DNAH14: variants seen among roughly 807,000 people sequenced by gnomAD.
DNAH14 encodes dynein axonemal heavy chain 14.
DNAH14 carries 478 observed loss-of-function variants against 520.9 expected under a neutral mutation model. The observed-to-expected ratio is 0.92, with a 90% confidence interval of 0.85 to 0.99. The LOEUF is 0.99. DNAH14 is among the 50% of genes least tolerant of loss of function. The probability of loss-of-function intolerance (pLI) is 0.00; values close to 1 mark genes in which losing one functional copy is unlikely to be tolerated. For synonymous variants in DNAH14, 1,581 were observed against 1,757.2 expected (o/e 0.90, Z 2.51); for missense variants, 4,831 against 5,234.5 (o/e 0.92, Z 2.38).
At chr1:225,113,506 G>A (rs940645839) in intron 23 of DNAH14, among the ~76,000 whole-genome samples, 1 of 152,186 alleles carries the variant, frequency 6.6e-6, no homozygotes, top group African/African-American at 2.4e-5. Context: ...TTTGTTCAAG[G>A]CCCTAGGGCT....
At chr1:225,173,724 T>C (rs553167800) in intron 36 of DNAH14, among the ~76,000 whole-genome samples, 1 of 152,326 alleles carries the variant, frequency 6.6e-6, no homozygotes, top group South Asian at 2.1e-4. Flanking sequence ...GATCTTGAAC[T>C]AGAAATACCA....
intron 7 of DNAH14, 82 bp downstream of exon 7, chr1:224,968,956 C>A: frequency 1.1e-6 from 1 of 892,988 alleles, no homozygotes; most frequent in Non-Finnish European, 1.7e-6. Flanking sequence ...CTGGGTTCTA[C>A]TACAGTAATA....
intron 40 of DNAH14, 91 bp downstream of exon 40, chr1:225,206,270 AT>A: frequency 1.7e-6 from 2 of 1,185,194 alleles, no homozygotes; most frequent in South Asian, 1.7e-5. Context: ...TGTTTATTTT[AT>A]TTTTACCTTT....
At position 225,178,512 on chromosome 1, in the gene DNAH14, A is replaced by G. The variant is rs139578728; in HGVS notation, c.5536-6779A>G. 5.1e-3 allele frequency among the ~76,000 whole-genome samples: 781 copies of G among 152,222 alleles called. 7 individuals are homozygous for G. The highest frequency in any genetic ancestry group is 0.015 in the African/African-American group (603 of 41,538). On this transcript the variant is annotated intron_variant, in intron 36 of 85. Transcript: ENST00000682510. ...CCGTAACACATGGGACTTCTGGGAG[A>G]TACAATTCAAGTTGAGATTTGGGTG...
At chr1:225,353,772 A>T (rs1258214738) in intron 72 of DNAH14, 31 bp from the exon 73 acceptor site, 2 of 1,125,966 alleles carry the variant, frequency 1.8e-6, no homozygotes, top group Non-Finnish European at 2.6e-6. Flanking sequence ...TTGACTGTTA[A>T]TGCCAGTTTC....
intron 75 of DNAH14, among the ~76,000 whole-genome samples, chr1:225,361,798 C>T (rs12562989): frequency 0.41 from 62,046 of 152,030 alleles, 13,222 homozygotes; most frequent in East Asian, 0.62. Context: ...GGCAAGATAA[C>T]TGTTTGGGGC....
chr1:225,103,044 T>A (rs576550946), intron 23 of DNAH14, among the ~76,000 whole-genome samples: 29 of 152,242 alleles, frequency 1.9e-4, no homozygotes, highest in Non-Finnish European at 3.7e-4. Context: ...AAGTCTTTAA[T>A]CCATCTTGAA....
chr1:224,942,148 T>C (rs2059464183), intron 1 of DNAH14, among the ~76,000 whole-genome samples: 1 of 152,210 alleles, frequency 6.6e-6, no homozygotes, highest in Non-Finnish European at 1.5e-5. Flanking sequence ...GAGCATGGAA[T>C]GTTCTTCCAT....
In DNAH14 at chr1:225,303,338, G is replaced by C; in HGVS notation, c.8814G>C (p.Glu2938Asp). 1 of 1,545,704 alleles carries C rather than the reference G, an allele frequency of 6.5e-7. No individual in the cohort carries two copies. Among genetic ancestry groups the C allele is most frequent in the Non-Finnish European group, 8.7e-7 (1 of 1,145,266 alleles). ...NSFLKEKVNF[E>D]NRENLKEKLA... ...TCTTAAAAGAAAAGGTCAATTTTGA[G>C]AACAGAGAGGTAAATATCTAATGCA... The change falls in exon 57 of 86, where the codon GAG (glutamate) becomes GAC (aspartate). Residue 2938 changes from glutamate to aspartate, a missense_variant. Physicochemically the swap from Glu to Asp is conservative, Grantham distance 45 (BLOSUM62 2). Transcript: ENST00000682510.
intron 36 of DNAH14, among the ~76,000 whole-genome samples, chr1:225,178,845 G>A (rs2083641294): frequency 6.6e-6 from 1 of 152,110 alleles, no homozygotes; most frequent in African/African-American, 2.4e-5. Flanking sequence ...CCCATGTGTT[G>A]TGGGAGGGAC....
chr1:225,322,085 C>T (rs376374163), intron 61 of DNAH14, among the ~76,000 whole-genome samples: 44 of 90,168 alleles, frequency 4.9e-4, no homozygotes, highest in East Asian at 7.8e-4. Context: ...TTTTTTCTTT[C>T]TTTTTTTTTT....
Position 224,974,113 on chromosome 1 carries a change from T to C in DNAH14, c.790T>C (p.Trp264Arg). 6.6e-7 allele frequency: 1 copy of C among 1,504,860 alleles called. No individual in the cohort carries two copies. The highest frequency in any genetic ancestry group is 8.9e-7 in the Non-Finnish European group (1 of 1,121,544). The allele number at this position is 1,504,860 out of a possible 1,614,324, so 93.2% of individuals were successfully genotyped here. A position where few individuals can be genotyped will look rare whatever the true frequency, so the allele number is the denominator to read the frequency against. The change falls in exon 8 of 86, where the codon TGG (tryptophan) becomes CGG (arginine). Residue 264 changes from tryptophan to arginine, a missense_variant. Trp to Arg is a moderately radical substitution (Grantham distance 101, BLOSUM62 -3). Transcript: ENST00000682510. Reference sequence around the variant, plus strand: ...CAGAATGAATAAAGCATTTGTTACCTGGAAATTGAATGTTAAAAGAATTAA... The same window carrying C: ...CAGAATGAATAAAGCATTTGTTACCCGGAAATTGAATGTTAAAAGAATTAA... The part of the protein sequence containing the change: ...DFRMNKAFVT[W>R]KLNVKRIKTE...
chr1:225,240,537 C>A, intron 42 of DNAH14, 56 bp from the exon 43 acceptor site: 1 of 1,086,654 alleles, frequency 9.2e-7, no homozygotes, highest in East Asian at 2.6e-5. Flanking sequence ...AATTTCTATT[C>A]TTAAACTGCT....
chr1:224,938,563 G>T (rs1256044253), intron 1 of DNAH14, among the ~76,000 whole-genome samples: 2 of 152,308 alleles, frequency 1.3e-5, no homozygotes, highest in Non-Finnish European at 2.9e-5. Flanking sequence ...AGAATGTGGA[G>T]TAAGGAGAAT....
At chr1:225,164,287 T>C (rs916599691) in intron 35 of DNAH14, among the ~76,000 whole-genome samples, 5 of 152,170 alleles carry the variant, frequency 3.3e-5, no homozygotes, top group Admixed American at 1.3e-4. Flanking sequence ...ATTTCTTGTC[T>C]TAATATCTAT....
intron 57 of DNAH14, 115 bp downstream of exon 57, chr1:225,303,462 A>G (rs1303031252): frequency 1.2e-6 from 1 of 839,220 alleles, no homozygotes; most frequent in African/African-American, 1.7e-5. Flanking sequence ...AAGCTAATTT[A>G]CAATAAAATG....
At chr1:225,392,918 G>A (rs1244252525) in intron 84 of DNAH14, among the ~76,000 whole-genome samples, 1 of 152,134 alleles carries the variant, frequency 6.6e-6, no homozygotes, top group African/African-American at 2.4e-5. Context: ...AGGCAGCTTG[G>A]GCTGAAGCAG....
chr1:225,172,924 G>A (rs2082873234), intron 36 of DNAH14, among the ~76,000 whole-genome samples: 2 of 152,096 alleles, frequency 1.3e-5, no homozygotes, highest in Admixed American at 6.6e-5. Flanking sequence ...TAGACCAATG[G>A]AACAGAACAG....
chr1:225,294,294 A>G (rs1377303827), intron 55 of DNAH14, among the ~76,000 whole-genome samples: 1 of 152,090 alleles, frequency 6.6e-6, no homozygotes, highest in East Asian at 1.9e-4. Context: ...ATACCAGTTG[A>G]TAATGGTGTA....
Sources: gnomAD v4.1 joint callset for allele counts (sites outside exome capture counted in the v4.1 genomes callset) on GRCh38, gnomAD v4.1.1 for gene constraint, MANE v1.5 for transcripts, NCBI Gene and HGNC (gene_info 2026-07-23, HGNC 2026-07-21) for gene names.